KPNA6: variants seen among roughly 807,000 people sequenced by gnomAD.
The protein encoded by KPNA6 is importin subunit alpha-7.
In KPNA6, 9 loss-of-function variants were observed where a neutral mutation model predicts 72.0. The observed-to-expected ratio is 0.13, with a 90% CI of 0.08 to 0.22. The LOEUF (loss-of-function observed/expected upper bound fraction) is 0.22. KPNA6 is among the 10% of genes least tolerant of loss of function. KPNA6 has a pLI of 1.00. For missense variants in KPNA6, 374 were observed against 655.7 expected, an observed-to-expected ratio of 0.57 and a Z score of 4.69; for synonymous variants, 219 against 242.1, an observed-to-expected ratio of 0.90 and a Z score of 0.89.
At chr1:32,122,009 C>T (rs1239356681) in intron 1 of KPNA6, among the ~76,000 whole-genome samples, 2 of 151,286 alleles carry the variant, frequency 1.3e-5, no homozygotes, top group Admixed American at 1.3e-4. Context: ...CGCGGTGGCT[C>T]ACGCCTGTAA....
At chr1:32,167,868 A>C (rs971607137) in intron 12 of KPNA6, among the ~76,000 whole-genome samples, 12 of 151,060 alleles carry the variant, frequency 7.9e-5, no homozygotes, top group African/African-American at 2.4e-5. Context: ...AAAAAAAAAA[A>C]CAAAAAAAAA....
At chr1:32,162,948 C>A (rs979030257) in intron 9 of KPNA6, among the ~76,000 whole-genome samples, 6 of 146,186 alleles carry the variant, frequency 4.1e-5, no homozygotes, top group Non-Finnish European at 9.0e-5. Context: ...ACTAAAAATA[C>A]AAAAAATTAG....
intron 11 of KPNA6, 38 bp from the exon 12 acceptor site, chr1:32,167,130 CT>C: frequency 6.2e-7 from 1 of 1,605,360 alleles, no homozygotes; most frequent in African/African-American, 1.3e-5. Flanking sequence ...GCTGAAATGA[CT>C]TTCTCCTTCC....
intron 10 of KPNA6, among the ~76,000 whole-genome samples, chr1:32,165,849 T>G (rs575411957): frequency 1.1e-4 from 17 of 150,940 alleles, no homozygotes; most frequent in African/African-American, 3.2e-4. Flanking sequence ...AATAGAAAAA[T>G]TTTCCGGGCG....
intron 1 of KPNA6, among the ~76,000 whole-genome samples, chr1:32,152,193 A>G (rs1197298144): frequency 6.6e-6 from 1 of 152,144 alleles, no homozygotes; most frequent in East Asian, 1.9e-4. Context: ...TTAGCCACTC[A>G]TGGTAGTACG....
chr1:32,138,566 A>T (rs974485483), intron 1 of KPNA6, among the ~76,000 whole-genome samples: 4 of 149,108 alleles, frequency 2.7e-5, no homozygotes, highest in Non-Finnish European at 4.4e-5. Flanking sequence ...AAAAAAAAAA[A>T]TGGAGGTGGA....
intron 1 of KPNA6, among the ~76,000 whole-genome samples, chr1:32,150,127 CTTTTTTTTTTTT>C (rs35179721): frequency 1.1e-5 from 1 of 87,058 alleles, no homozygotes; most frequent in African/African-American, 4.5e-5. Flanking sequence ...AATTTTTAGT[CTTTTTTTTTTTT>C]TTTTTTTTTT....
At position 32,167,189 on chromosome 1, in the gene KPNA6, C is replaced by A. The variant is rs1174514966; in HGVS notation, c.1137C>A (p.Ile379=). Residue 379 remains isoleucine (I), a synonymous_variant, in exon 12 of 14, where the codon ATC becomes ATA. Coordinates refer to ENST00000373625, the MANE Select transcript of KPNA6 (RefSeq NM_012316.5). The part of the protein sequence containing the change: ...AQIQAVIDAN[I]FPVLIEILQK... Reference sequence around the variant, plus strand: ...CTCAGGCTGTTATAGATGCAAATATCTTCCCTGTGTTGATCGAAATCCTTC... The same window carrying A: ...CTCAGGCTGTTATAGATGCAAATATATTCCCTGTGTTGATCGAAATCCTTC... 6.2e-7 allele frequency: 1 copy of A among 1,613,930 alleles called. No individual in the cohort carries two copies. Among genetic ancestry groups the A allele is most frequent in the South Asian group, 1.1e-5 (1 of 91,062 alleles).
chr1:32,127,627 G>C (rs575773659), intron 1 of KPNA6, among the ~76,000 whole-genome samples: 1 of 152,316 alleles, frequency 6.6e-6, no homozygotes, highest in East Asian at 1.9e-4. Flanking sequence ...GTGGGTGGAG[G>C]GTACTGCAGA....
At chr1:32,118,997 C>CACAT (rs1317948681) in intron 1 of KPNA6, among the ~76,000 whole-genome samples, 25 of 59,828 alleles carry the variant, frequency 4.2e-4, no homozygotes, top group Non-Finnish European at 6.2e-4. Flanking sequence ...TGTGTGTATA[C>CACAT]ATATATATAT....
chr1:32,150,904 C>T (rs1035423030), intron 1 of KPNA6, among the ~76,000 whole-genome samples: 7 of 152,122 alleles, frequency 4.6e-5, no homozygotes, highest in Non-Finnish European at 5.9e-5. Context: ...GGATTACAGC[C>T]GTGAGCCACC....
In KPNA6 at chr1:32,144,474, G is replaced by T. The variant is rs75558885; in HGVS notation, c.5-10114G>T. On this transcript the variant is annotated intron_variant, in intron 1 of 13. Transcript: ENST00000373625. ...GAAATCGTATAAAAGTAGAATTGCTGGATTATATAGTAATTCTTTTTAATT... is the reference window on the plus strand; with the variant it reads ...GAAATCGTATAAAAGTAGAATTGCTTGATTATATAGTAATTCTTTTTAATT... 8.3e-4 allele frequency among the ~76,000 whole-genome samples: 126 copies of T among 152,226 alleles called. 3 individuals are homozygous for T. In the East Asian group the frequency reaches 0.021, roughly 26 times the overall value.
chr1:32,120,028 G>A lies in KPNA6; in HGVS notation c.4+11894G>A, dbSNP rs1009006338. ...TGGGATTACAGGTGTGAGCCACCAC[G>A]CCCGGCCTGGATTTTTAAATAATAC... On this transcript the variant is annotated intron_variant, in intron 1 of 13. Coordinates refer to ENST00000373625, the MANE Select transcript of KPNA6 (RefSeq NM_012316.5). Among the ~76,000 whole-genome samples, 3 of 151,622 alleles carry A rather than the reference G, an allele frequency of 2.0e-5. No individual in the cohort carries two copies. The South Asian group carries it at 6.3e-4, about 32-fold the overall frequency.
chr1:32,108,892 T>C lies in KPNA6; in HGVS notation c.4+758T>C, dbSNP rs75781703. On this transcript the variant is annotated intron_variant, in intron 1 of 13. Coordinates refer to ENST00000373625, the MANE Select transcript of KPNA6 (RefSeq NM_012316.5). ...TGGCAAGGCCTCTGTTCAGAGAGAA[T>C]ACCATGGCGAAGTCTTTGGATTTAG... is the stretch of plus-strand genomic sequence containing the variant. Among the ~76,000 whole-genome samples, 841 of 152,326 alleles carry C rather than the reference T, an allele frequency of 5.5e-3. 5 individuals carry two copies. The highest frequency in any genetic ancestry group is 9.7e-3 in the Non-Finnish European group (661 of 68,032).
Position 32,171,773 on chromosome 1 carries a change from C to G in KPNA6, c.*879C>G, listed in dbSNP as rs1261804837. On this transcript the variant is annotated 3_prime_UTR_variant, in exon 14 of 14. Coordinates refer to ENST00000373625, the MANE Select transcript of KPNA6 (RefSeq NM_012316.5). Reference sequence around the variant, plus strand: ...CCTTCCAAATGGTGCGACCCAACTTCATTTGTTTACTTGAAAATTCCCCCT... The same window carrying G: ...CCTTCCAAATGGTGCGACCCAACTTGATTTGTTTACTTGAAAATTCCCCCT... 1 of 152,202 alleles carries G rather than the reference C, an allele frequency of 6.6e-6. No individual in the cohort carries two copies. The highest frequency in any genetic ancestry group is 6.5e-5 in the Admixed American group (1 of 15,272). The allele number at this position is 152,202 out of a possible 1,614,324, so 9.4% of individuals were successfully genotyped here.
At chr1:32,120,577 A>AT (rs1194686785) in intron 1 of KPNA6, among the ~76,000 whole-genome samples, 2 of 140,922 alleles carry the variant, frequency 1.4e-5, no homozygotes, top group East Asian at 2.2e-4. Context: ...TTAATTAATT[A>AT]TTTTTTTGAG....
At chr1:32,121,759 G>A (rs981031814) in intron 1 of KPNA6, among the ~76,000 whole-genome samples, 7 of 152,106 alleles carry the variant, frequency 4.6e-5, no homozygotes, top group Non-Finnish European at 8.8e-5. Flanking sequence ...GATCACCTGA[G>A]GTCAGGAGTT....
At chr1:32,115,021 A>G (rs1348999189) in intron 1 of KPNA6, among the ~76,000 whole-genome samples, 1 of 151,874 alleles carries the variant, frequency 6.6e-6, no homozygotes, top group Admixed American at 6.6e-5. Flanking sequence ...ATGTATTTTT[A>G]TAGAGACAGT....
chr1:32,133,897 A>AGATGT (rs1641686053), intron 1 of KPNA6, among the ~76,000 whole-genome samples: 1 of 150,628 alleles, frequency 6.6e-6, no homozygotes. Context: ...AAAATTAGCC[A>AGATGT]GGTGCAGCAG....
Sources: allele counts gnomAD v4.1 joint callset (sites outside exome capture counted in the v4.1 genomes callset), GRCh38; gene constraint gnomAD v4.1.1; transcripts MANE v1.5; gene names NCBI Gene and HGNC (gene_info 2026-07-23, HGNC 2026-07-21).